The following ITPK1 variants were observed in gnomAD, a reference collection of about 807,000 sequenced individuals.
ITPK1 encodes the protein inositol-tetrakisphosphate 1-kinase, also known as inositol 1,3,4-trisphosphate 5/6-kinase.
In ITPK1, 21 loss-of-function variants were observed where a neutral mutation model predicts 45.3. The observed-to-expected ratio is 0.46, with a 90% CI of 0.33 to 0.67. The LOEUF (loss-of-function observed/expected upper bound fraction) is 0.67. Among genes scored for constraint, ITPK1 ranks in the 30% least tolerant of loss-of-function variants. ITPK1 has a pLI of 0.02. For missense variants in ITPK1, 474 were observed against 573.5 expected (o/e 0.83, Z 1.77); for synonymous variants, 258 against 253.6 (o/e 1.02, Z -0.16).
intron 3 of ITPK1, among the ~76,000 whole-genome samples, chr14:93,073,277 G>C (rs1368427333): frequency 6.6e-6 from 1 of 152,220 alleles, no homozygotes; most frequent in Non-Finnish European, 1.5e-5. Context: ...GCGCCTCACA[G>C]AGTGCACAAT....
rs1020053798 is a variant in ITPK1 at position 92,938,209 on chromosome 14, C to T, written c.*3352G>A. On this transcript the variant is annotated 3_prime_UTR_variant, in exon 11 of 11. Transcript: ENST00000267615. ...TCTTGACCTTGTGATCCACCTGCCT[C>T]AGCCTCCCTAAGTGCTGGGATGACA... 1.7e-5 allele frequency: 9 copies of T among 534,456 alleles called. No individual in the cohort carries two copies. Among genetic ancestry groups the T allele is most frequent in the Middle Eastern group, 5.0e-4 (1 of 2,016 alleles). The allele number at this position is 534,456 out of a possible 1,614,324, so 33.1% of individuals were successfully genotyped here. A position where few individuals can be genotyped will look rare whatever the true frequency, so the allele number is the denominator to read the frequency against.
rs536257174 is a variant in ITPK1, at chr14:92,967,636, C to T, written c.365-4787G>A. On this transcript the variant is annotated intron_variant, in intron 5 of 10. Transcript: ENST00000267615. ...CACAGCAGCATTACTCATCATAGTC[C>T]AAATGGGGCAACAATCCAGAAGTCC... is the stretch of plus-strand genomic sequence containing the variant. Among the ~76,000 whole-genome samples the T allele has an allele frequency of 5.9e-5, 9 of 152,236 alleles. No homozygotes were observed. The East Asian group carries it at 1.5e-3, about 26-fold the overall frequency.
chr14:93,047,109 G>T (rs1403963731), intron 3 of ITPK1, among the ~76,000 whole-genome samples: 1 of 152,254 alleles, frequency 6.6e-6, no homozygotes, highest in Non-Finnish European at 1.5e-5. Flanking sequence ...GGGCCCTCAG[G>T]CCAAGCCGGG....
At position 93,032,156 on chromosome 14, in the gene ITPK1, C is replaced by G. The variant is rs1271015872; in HGVS notation, c.121-15355G>C. 6.6e-6 allele frequency among the ~76,000 whole-genome samples: 1 copy of G among 152,136 alleles called. No homozygotes were observed. Among genetic ancestry groups the G allele is most frequent in the Non-Finnish European group, 1.5e-5 (1 of 68,030 alleles). ...CTTGGGGTCAGGAGTTTGCAACCAG[C>G]CTGGGCAACACAGTGAAACCCCATC... is the stretch of plus-strand genomic sequence containing the variant. On this transcript the variant is annotated intron_variant, in intron 3 of 10. Transcript: ENST00000267615. This position sits in a 1 kb window ranked among gnomAD's most constrained non-coding sequence, Gnocchi z 4.0.
At chr14:93,102,732 G>A (rs901952649) in intron 2 of ITPK1, among the ~76,000 whole-genome samples, 7 of 151,556 alleles carry the variant, frequency 4.6e-5, no homozygotes, top group East Asian at 3.9e-4. Flanking sequence ...TGAGACGGGC[G>A]ATCGATCAAG....
chr14:93,088,295 C>T (rs1891725831), intron 2 of ITPK1, among the ~76,000 whole-genome samples: 1 of 151,312 alleles, frequency 6.6e-6, no homozygotes, highest in Non-Finnish European at 1.5e-5. Context: ...TCAGCAACCA[C>T]TGGGTGGGTA....
intron 2 of ITPK1, among the ~76,000 whole-genome samples, chr14:93,096,181 G>T (rs1892071315): frequency 6.6e-6 from 1 of 152,106 alleles, no homozygotes; most frequent in East Asian, 1.9e-4. Context: ...CTCTGCACTT[G>T]CTAAACCCGC....
chr14:93,051,726 C>A (rs750665425), intron 3 of ITPK1, among the ~76,000 whole-genome samples: 13 of 152,314 alleles, frequency 8.5e-5, no homozygotes, highest in Non-Finnish European at 8.8e-5. Flanking sequence ...TGCCTCATAG[C>A]CAAGCGTGAA....
Position 92,941,335 on chromosome 14 carries a change from AG to A in ITPK1, c.*225del. 1 of 1,411,432 alleles carries A rather than the reference AG, an allele frequency of 7.1e-7. No individual in the cohort carries two copies. Among genetic ancestry groups the A allele is most frequent in the Non-Finnish European group, 9.2e-7 (1 of 1,090,302 alleles). 87.4% of individuals were successfully genotyped at this position (1,411,432 alleles called of 1,614,324 possible). A position where few individuals can be genotyped will look rare whatever the true frequency, so the allele number is the denominator to read the frequency against. On this transcript the variant is annotated 3_prime_UTR_variant, in exon 11 of 11. Coordinates refer to ENST00000267615, the MANE Select transcript of ITPK1 (RefSeq NM_014216.6). ...CTCAGTTAGGAGGTCTGCACAGTAG[AG>A]AGCAGGCGGACGGCCCCACTCCCCA...
At chr14:93,035,620 C>T (rs953776232) in intron 3 of ITPK1, among the ~76,000 whole-genome samples, 5 of 152,186 alleles carry the variant, frequency 3.3e-5, no homozygotes, top group Non-Finnish European at 4.4e-5. Flanking sequence ...GGGCTCAGGC[C>T]GCAGAAACCT....
intron 3 of ITPK1, among the ~76,000 whole-genome samples, chr14:93,048,660 C>G (rs1334475290): frequency 6.6e-6 from 1 of 152,196 alleles, no homozygotes; most frequent in Non-Finnish European, 1.5e-5. Flanking sequence ...AAGAAACACT[C>G]TTTCCCAGCT....
chr14:93,058,394 T>G (rs1400049167), intron 3 of ITPK1, among the ~76,000 whole-genome samples: 2 of 63,950 alleles, frequency 3.1e-5, no homozygotes, highest in African/African-American at 1.3e-4. Flanking sequence ...GGAGGGGGTG[T>G]AGGTCGCAAC....
At chr14:93,111,575 G>A (rs1340835680) in intron 2 of ITPK1, among the ~76,000 whole-genome samples, 1 of 152,032 alleles carries the variant, frequency 6.6e-6, no homozygotes, top group South Asian at 2.1e-4. Flanking sequence ...GCCAGGCGTG[G>A]TGGTGCGCAC....
At chr14:92,987,586 A>G (rs1886554030) in intron 5 of ITPK1, among the ~76,000 whole-genome samples, 1 of 152,164 alleles carries the variant, frequency 6.6e-6, no homozygotes, top group South Asian at 2.1e-4. Context: ...CAGCTGTAAA[A>G]TAGATGTTTG....
At chr14:92,976,130 G>A (rs1459344984) in intron 5 of ITPK1, among the ~76,000 whole-genome samples, 1 of 152,184 alleles carries the variant, frequency 6.6e-6, no homozygotes, top group African/African-American at 2.4e-5. Context: ...TCTTGGGTAT[G>A]TCCTTATAGC....
Position 92,940,113 on chromosome 14 carries a change from G to A in ITPK1, c.*1448C>T. 1 of 985,780 alleles carries A rather than the reference G, an allele frequency of 1.0e-6. No homozygotes were observed. The highest frequency in any genetic ancestry group is 1.2e-6 in the Non-Finnish European group (1 of 830,034). The allele number at this position is 985,780 out of a possible 1,614,324, so 61.1% of individuals were successfully genotyped here. ...CCCTCCTCAAAGTGGGCATCCTGCA[G>A]CCCAGCTGAGCCAGGCCGAAGGACC... On this transcript the variant is annotated 3_prime_UTR_variant, in exon 11 of 11. Transcript: ENST00000267615.
chr14:92,941,493 T>A lies in ITPK1; in HGVS notation c.*68A>T, dbSNP rs930760566. The A allele has an allele frequency of 6.9e-7, 1 of 1,452,430 alleles. No homozygotes were observed. Among genetic ancestry groups the A allele is most frequent in the Admixed American group, 3.0e-5 (1 of 33,686 alleles). 90.0% of individuals were successfully genotyped at this position (1,452,430 alleles called of 1,614,324 possible). A position where few individuals can be genotyped will look rare whatever the true frequency, so the allele number is the denominator to read the frequency against. On this transcript the variant is annotated 3_prime_UTR_variant, in exon 11 of 11. Transcript: ENST00000267615. Reference sequence around the variant, plus strand: ...GGGATTCTTAGTAGTAGCATCGCCGTTGGGAGCTGCTGGCCCAGCGGGTGT... The same window carrying A: ...GGGATTCTTAGTAGTAGCATCGCCGATGGGAGCTGCTGGCCCAGCGGGTGT...
intron 5 of ITPK1, among the ~76,000 whole-genome samples, chr14:92,987,896 T>G (rs1416382731): frequency 1.3e-5 from 2 of 152,252 alleles, no homozygotes; most frequent in Non-Finnish European, 2.9e-5. Flanking sequence ...TCACGCAGAC[T>G]CAGACCAGGG....
rs1179182398 is a variant in ITPK1, at chr14:93,008,701, G to A, written c.246+7975C>T. ...TGGGATTTATTACATGAAGACAAAGGCAGACACAGTGGGCTTTATCACGGG... is the reference window on the plus strand; with the variant it reads ...TGGGATTTATTACATGAAGACAAAGACAGACACAGTGGGCTTTATCACGGG... On this transcript the variant is annotated intron_variant, in intron 4 of 10. Transcript: ENST00000267615. 2.6e-5 allele frequency among the ~76,000 whole-genome samples: 4 copies of A among 152,238 alleles called. No homozygotes were observed. The East Asian group carries it at 5.8e-4, about 22-fold the overall frequency.
Sources: allele counts gnomAD v4.1 joint callset (sites outside exome capture counted in the v4.1 genomes callset), GRCh38; gene constraint gnomAD v4.1.1; non-coding constraint Gnocchi (gnomAD v3.1); transcripts MANE v1.5; gene names NCBI Gene and HGNC (gene_info 2026-07-23, HGNC 2026-07-21).